MAPK10: variants seen among roughly 807,000 people sequenced by gnomAD.
MAPK10 encodes mitogen-activated protein kinase 10, also known as JNK3 alpha protein kinase.
Under a neutral mutation model 59.3 loss-of-function variants are expected in MAPK10, and 25 were observed. The observed-to-expected ratio is 0.42, with a 90% confidence interval of 0.31 to 0.59. The LOEUF is 0.59. Ranked by LOEUF, MAPK10 falls within the 20% of genes least tolerant of loss-of-function variation. MAPK10 has a pLI of 0.15. For missense variants in MAPK10, 351 were observed against 568.9 expected, an observed-to-expected ratio of 0.62 and a Z score of 3.90; for synonymous variants, 190 against 200.5, an observed-to-expected ratio of 0.95 and a Z score of 0.44.
At chr4:86,021,966 C>A (rs1747304473) in intron 13 of MAPK10, among the ~76,000 whole-genome samples, 1 of 152,234 alleles carries the variant, frequency 6.6e-6, no homozygotes, top group African/African-American at 2.4e-5. Flanking sequence ...CCGCACGCGG[C>A]CCGGGTTCCC....
chr4:86,256,859 G>T (rs1423442749), intron 2 of MAPK10, among the ~76,000 whole-genome samples: 2 of 148,942 alleles, frequency 1.3e-5, no homozygotes, highest in Non-Finnish European at 3.0e-5. Context: ...TCCTGCTTCA[G>T]CCTCCCGAGT....
At chr4:86,575,861 C>T (rs1761842221) in intron 1 of MAPK10, among the ~76,000 whole-genome samples, 2 of 151,314 alleles carry the variant, frequency 1.3e-5, no homozygotes, top group Non-Finnish European at 1.5e-5. Context: ...TTGAGGGAAA[C>T]CTCTAACATG....
intron 1 of MAPK10, among the ~76,000 whole-genome samples, chr4:86,509,057 C>T (rs879739376): frequency 2.0e-5 from 3 of 151,892 alleles, no homozygotes; most frequent in Admixed American, 6.6e-5. Flanking sequence ...TCTGGATACT[C>T]TAAATCTGTT....
chr4:86,389,929 C>G (rs1334736809), intron 1 of MAPK10, among the ~76,000 whole-genome samples: 1 of 146,318 alleles, frequency 6.8e-6, no homozygotes, highest in African/African-American at 2.6e-5. Context: ...CTCCCTCTCT[C>G]TCTGCCCCCA....
intron 11 of MAPK10, among the ~76,000 whole-genome samples, chr4:86,057,021 TG>T (rs1229585141): frequency 6.7e-6 from 1 of 148,916 alleles, no homozygotes; most frequent in Non-Finnish European, 1.5e-5. Context: ...TGGAGTGCAG[TG>T]GTGCGATCTC....
At chr4:86,445,050 C>G (rs1473119595) in intron 1 of MAPK10, among the ~76,000 whole-genome samples, 1 of 152,040 alleles carries the variant, frequency 6.6e-6, no homozygotes, top group African/African-American at 2.4e-5. Context: ...ATCATTTGAC[C>G]CAGCAATCTG....
At chr4:86,294,612 A>G (rs1338393257) in intron 2 of MAPK10, among the ~76,000 whole-genome samples, 1 of 152,208 alleles carries the variant, frequency 6.6e-6, no homozygotes, top group Non-Finnish European at 1.5e-5. Context: ...GTTGTTTGAA[A>G]GAATGAAAAC....
chr4:86,168,532 C>A (rs2149251792), intron 3 of MAPK10, among the ~76,000 whole-genome samples: 1 of 152,342 alleles, frequency 6.6e-6, no homozygotes, highest in African/African-American at 2.4e-5. Flanking sequence ...ATTGCCCAGG[C>A]TTGCTTAAGT....
chr4:86,331,919 G>T (rs767621168), intron 2 of MAPK10, among the ~76,000 whole-genome samples: 12 of 152,128 alleles, frequency 7.9e-5, no homozygotes, highest in Non-Finnish European at 1.5e-4. Flanking sequence ...TGCTTTAGCT[G>T]CTTTTGCTTA....
At chr4:86,590,710 T>C (rs1344690011) in intron 1 of MAPK10, among the ~76,000 whole-genome samples, 1 of 151,910 alleles carries the variant, frequency 6.6e-6, no homozygotes, top group Admixed American at 6.6e-5. Context: ...AGCTTGAGCA[T>C]AGGAGGTTGA....
intron 1 of MAPK10, among the ~76,000 whole-genome samples, chr4:86,545,397 G>T (rs1759069757): frequency 6.6e-6 from 1 of 152,164 alleles, no homozygotes; most frequent in Non-Finnish European, 1.5e-5. Context: ...GAGGATGGGG[G>T]AAGCCTGAGG....
At chr4:86,111,089 T>C (rs917912918) in intron 4 of MAPK10, among the ~76,000 whole-genome samples, 15 of 152,206 alleles carry the variant, frequency 9.9e-5, no homozygotes, top group Admixed American at 8.5e-4. Context: ...TCCTGAAAGC[T>C]TGCTAAAGTC....
chr4:86,085,884 C>T (rs1379807480), intron 9 of MAPK10, among the ~76,000 whole-genome samples: 1 of 152,042 alleles, frequency 6.6e-6, no homozygotes, highest in East Asian at 1.9e-4. Flanking sequence ...AAATGTGGTA[C>T]ATTTAAAAAT....
intron 2 of MAPK10, among the ~76,000 whole-genome samples, chr4:86,255,344 A>G (rs537730612): frequency 6.6e-6 from 1 of 152,334 alleles, no homozygotes; most frequent in East Asian, 1.9e-4. Context: ...GGAATTTGAT[A>G]TGAAGTTTTT....
At chr4:86,364,797 T>A (rs1737569647), upstream of MAPK10, among the ~76,000 whole-genome samples, 1 of 151,852 alleles carries the variant, frequency 6.6e-6, no homozygotes, top group African/African-American at 2.4e-5. Context: ...CTGTCCAACA[T>A]GGTGAAACCC....
chr4:86,348,706 CT>C (rs1729573620), intron 2 of MAPK10, among the ~76,000 whole-genome samples: 1 of 152,134 alleles, frequency 6.6e-6, no homozygotes, highest in African/African-American at 2.4e-5. Context: ...CTACTATCTA[CT>C]CTTTGGTCTC....
chr4:86,331,622 G>T (rs746252605), intron 2 of MAPK10, among the ~76,000 whole-genome samples: 1 of 152,220 alleles, frequency 6.6e-6, no homozygotes, highest in Admixed American at 6.5e-5. Flanking sequence ...CTCAAAGTCA[G>T]TCCCAGAACT....
intron 4 of MAPK10, among the ~76,000 whole-genome samples, chr4:86,121,943 A>T (rs2059325509): frequency 6.6e-6 from 1 of 152,140 alleles, no homozygotes; most frequent in Non-Finnish European, 1.5e-5. Flanking sequence ...TTATATCTCA[A>T]CATAAGCTCC....
At chr4:86,452,637 G>A (rs550519388) in intron 1 of MAPK10, among the ~76,000 whole-genome samples, 136 of 152,088 alleles carry the variant, frequency 8.9e-4, no homozygotes, top group Non-Finnish European at 1.4e-3. Flanking sequence ...CCATAGCAAG[G>A]GACCGAGTCA....
Sources: gnomAD v4.1 joint callset for allele counts (sites outside exome capture counted in the v4.1 genomes callset) on GRCh38, gnomAD v4.1.1 for gene constraint, MANE v1.5 for transcripts, NCBI Gene and HGNC (gene_info 2026-07-23, HGNC 2026-07-21) for gene names.